The following PCNT variants were observed in gnomAD, a reference collection of about 807,000 sequenced individuals.
PCNT encodes kendrin.
A neutral mutation model predicts 380.4 loss-of-function variants in PCNT; 319 were observed. The observed-to-expected ratio is 0.84, with a 90% CI of 0.77 to 0.92. The LOEUF is 0.92. PCNT is among the 40% of genes least tolerant of loss of function. PCNT has a pLI of 0.00. For synonymous variants in PCNT, 1,845 were observed against 1,735.2 expected (o/e 1.06, Z -1.57); for missense variants, 4,400 against 4,255.3 (o/e 1.03, Z -0.95).
intron 42 of PCNT, among the ~76,000 whole-genome samples, 167 bp from the exon 43 acceptor site, chr21:46,440,688 A>G (rs763915305): frequency 1.3e-5 from 2 of 151,004 alleles, no homozygotes; most frequent in Non-Finnish European, 2.9e-5. Context: ...TTCCAACAGC[A>G]AGGTTGTTTC....
intron 45 of PCNT, 44 bp from the exon 46 acceptor site, chr21:46,444,645 CTCTTT>C (rs765968070): frequency 8.4e-6 from 12 of 1,428,902 alleles, no homozygotes; most frequent in South Asian, 1.2e-5. Context: ...TCAAACTCAA[CTCTTT>C]TTTTTTTTTT....
chr21:46,327,192 C>T (rs1454476085), intron 2 of PCNT, among the ~76,000 whole-genome samples: 1 of 151,526 alleles, frequency 6.6e-6, no homozygotes, highest in Non-Finnish European at 1.5e-5. Flanking sequence ...TCCCAAGTAG[C>T]TGGGACTACA....
At chr21:46,444,618 C>A in intron 45 of PCNT, 76 bp from the exon 46 acceptor site, 1 of 1,542,552 alleles carries the variant, frequency 6.5e-7, no homozygotes, top group Non-Finnish European at 8.8e-7. Context: ...TGCACTCAGT[C>A]ACCATGGCTC....
At chr21:46,348,930 C>T in intron 6 of PCNT, 82 bp from the exon 7 acceptor site, 2 of 974,024 alleles carry the variant, frequency 2.1e-6, no homozygotes, top group Admixed American at 1.8e-5. Context: ...CTGGCCTGCT[C>T]AGAGGTTTTG....
chr21:46,364,841 G>A (rs891030416), intron 14 of PCNT, among the ~76,000 whole-genome samples: 7 of 152,226 alleles, frequency 4.6e-5, no homozygotes, highest in East Asian at 1.9e-4. Flanking sequence ...CGAGCAGGAC[G>A]CTCTTCTCAC....
chr21:46,378,875 T>C (rs1045498277), intron 15 of PCNT, among the ~76,000 whole-genome samples: 6 of 152,216 alleles, frequency 3.9e-5, no homozygotes, highest in African/African-American at 1.4e-4. Flanking sequence ...CACATCTTTC[T>C]ATCTTTTTGT....
At chr21:46,391,990 C>T (rs767747175) in intron 21 of PCNT, among the ~76,000 whole-genome samples, 25 of 152,164 alleles carry the variant, frequency 1.6e-4, no homozygotes, top group Non-Finnish European at 3.2e-4. Context: ...CCAGGATGGC[C>T]GTGGCCTCGG....
intron 1 of PCNT, chr21:46,325,246 G>T (rs61230637): frequency 0.13 from 130,873 of 972,104 alleles, 11,976 homozygotes; most frequent in African/African-American, 0.44. Flanking sequence ...TTCTGGCTGG[G>T]GTGCTGGGGA....
chr21:46,364,287 T>G (rs946729433), intron 14 of PCNT, among the ~76,000 whole-genome samples: 1 of 151,572 alleles, frequency 6.6e-6, no homozygotes, highest in Non-Finnish European at 1.5e-5. Context: ...GCCCCCAGGC[T>G]GCAATGGGGA....
At chr21:46,372,003 A>G (rs1188802459) in intron 15 of PCNT, among the ~76,000 whole-genome samples, 2 of 150,762 alleles carry the variant, frequency 1.3e-5, no homozygotes, top group Non-Finnish European at 2.9e-5. Context: ...GCACACACAC[A>G]CAGCACATGC....
intron 25 of PCNT, among the ~76,000 whole-genome samples, chr21:46,400,952 C>CCAA (rs1306723347): frequency 6.6e-6 from 1 of 152,168 alleles, no homozygotes. Context: ...CGGAGTTGTC[C>CCAA]CCCTGGCCGG....
In PCNT at chr21:46,349,020, G is replaced by T; in HGVS notation, c.1041G>T (p.Lys347Asn). ...TTTTTCTTTTAAATTAGACCCTGAA[G>T]GAAGATTGGGAATCTGAAAAAGATT... ...EKNAQIVKTL[K>N]EDWESEKDLC... Residue 347 changes from lysine to asparagine, a missense_variant, in exon 7 of 47, where the codon AAG becomes AAT. Coordinates refer to ENST00000359568, the MANE Select transcript of PCNT (RefSeq NM_006031.6). 1 of 1,580,384 alleles carries T rather than the reference G, an allele frequency of 6.3e-7. No homozygotes were observed. Among genetic ancestry groups the T allele is most frequent in the Non-Finnish European group, 8.7e-7 (1 of 1,149,666 alleles).
chr21:46,431,777 G>C lies in PCNT; in HGVS notation c.8313G>C (p.Leu2771=). 1 of 1,613,196 alleles carries C rather than the reference G, an allele frequency of 6.2e-7. No homozygotes were observed. The highest frequency in any genetic ancestry group is 8.5e-7 in the Non-Finnish European group (1 of 1,180,026). ...ACGAGCGGCTCCTGACCGAGCAGCT[G>C]AGCCAGAGGACACAGGAGGCTTGCG... ...LRHERLLTEQ[L]SQRTQEACVH... The change falls in exon 38 of 47, where the codon CTG becomes CTC. Residue 2771 remains leucine, a synonymous_variant. Coordinates refer to ENST00000359568, the MANE Select transcript of PCNT (RefSeq NM_006031.6).
At chr21:46,440,787 A>T in intron 42 of PCNT, 68 bp from the exon 43 acceptor site, 1 of 935,638 alleles carries the variant, frequency 1.1e-6, no homozygotes, top group Non-Finnish European at 1.8e-6. Flanking sequence ...CAATGGTGTT[A>T]ATGTGCTTTT....
intron 15 of PCNT, among the ~76,000 whole-genome samples, chr21:46,379,597 C>T (rs757175444): frequency 1.3e-5 from 2 of 152,110 alleles, no homozygotes; most frequent in Non-Finnish European, 2.9e-5. Context: ...TGAGGGTGCC[C>T]CACAGGCCTT....
intron 13 of PCNT, among the ~76,000 whole-genome samples, chr21:46,360,213 A>ATTT (rs71318070): frequency 0.044 from 3,662 of 82,456 alleles, 292 homozygotes; most frequent in Middle Eastern, 0.069. Context: ...ATAGTTGGCA[A>ATTT]TTTTTTTTTT....
intron 27 of PCNT, among the ~76,000 whole-genome samples, chr21:46,408,787 G>A (rs991247391): frequency 2.3e-4 from 34 of 146,650 alleles, no homozygotes; most frequent in Admixed American, 1.5e-3. Context: ...CAGCGGGAAC[G>A]TGTCAGCTCA....
Position 46,339,412 on chromosome 21 carries a change from T to C in PCNT, c.639+4644T>C, listed in dbSNP as rs993501550. ...AGAGGGACAGAACTAAAAGGATAGATAGACATATAAAGGGGAGTTTATTAA... is the reference window on the plus strand; with the variant it reads ...AGAGGGACAGAACTAAAAGGATAGACAGACATATAAAGGGGAGTTTATTAA... On this transcript the variant is annotated intron_variant, in intron 3 of 46. Transcript: ENST00000359568. Among the ~76,000 whole-genome samples, 7 of 152,170 alleles carry C rather than the reference T, an allele frequency of 4.6e-5. No individual in the cohort carries two copies. In the South Asian group the frequency reaches 8.3e-4, roughly 18 times the overall value.
intron 15 of PCNT, among the ~76,000 whole-genome samples, chr21:46,372,773 C>T (rs1435138960): frequency 6.6e-6 from 1 of 152,186 alleles, no homozygotes; most frequent in African/African-American, 2.4e-5. Context: ...ACGTGGACAG[C>T]TCTGGGTGCT....
Sources: allele counts gnomAD v4.1 joint callset (sites outside exome capture counted in the v4.1 genomes callset), GRCh38; gene constraint gnomAD v4.1.1; transcripts MANE v1.5; gene names NCBI Gene and HGNC (gene_info 2026-07-23, HGNC 2026-07-21).